Variants in ADAMTS9 observed in about 807,000 individuals in gnomAD.
ADAMTS9 encodes A disintegrin and metalloproteinase with thrombospondin motifs 9.
A neutral mutation model predicts 257.1 loss-of-function variants in ADAMTS9; 107 were observed. The ratio of observed to expected loss-of-function variants is 0.42; its 90% CI spans 0.36 to 0.49. ADAMTS9 has a LOEUF of 0.49. Ranked by LOEUF, ADAMTS9 falls within the 20% of genes least tolerant of loss-of-function variation. The probability of loss-of-function intolerance (pLI) is 0.03; values close to 1 mark genes in which losing one functional copy is unlikely to be tolerated. For synonymous variants in ADAMTS9, 982 were observed against 880.9 expected, an observed-to-expected ratio of 1.11 and a Z score of -2.03; for missense variants, 2,353 against 2,469.1, an observed-to-expected ratio of 0.95 and a Z score of 1.00.
At chr3:64,530,934 G>A (rs1271379376) in intron 38 of ADAMTS9, among the ~76,000 whole-genome samples, 1 of 152,080 alleles carries the variant, frequency 6.6e-6, no homozygotes, top group African/African-American at 2.4e-5. Context: ...TTTGTCAAGA[G>A]AAAAGAAACA....
At chr3:64,644,496 T>C (rs1295164404) in intron 11 of ADAMTS9, among the ~76,000 whole-genome samples, 2 of 152,198 alleles carry the variant, frequency 1.3e-5, no homozygotes, top group Non-Finnish European at 2.9e-5. Flanking sequence ...TCACTCAATA[T>C]CCATCCTCCC....
intron 3 of ADAMTS9, among the ~76,000 whole-genome samples, chr3:64,659,195 C>T (rs376748662): frequency 3.3e-5 from 5 of 152,244 alleles, no homozygotes; most frequent in East Asian, 1.9e-4. Flanking sequence ...AGGCTGGGCA[C>T]GGTGGCCCAT....
intron 11 of ADAMTS9, among the ~76,000 whole-genome samples, chr3:64,646,942 T>C (rs1291550041): frequency 6.6e-6 from 1 of 152,108 alleles, no homozygotes; most frequent in Non-Finnish European, 1.5e-5. Flanking sequence ...GTCTATAAGA[T>C]CAGGGAACAG....
chr3:64,561,065 C>CTTCT (rs1553703268), intron 30 of ADAMTS9, among the ~76,000 whole-genome samples: 1,647 of 83,638 alleles, frequency 0.02, 60 homozygotes, highest in East Asian at 0.091. Context: ...AGATACCATC[C>CTTCT]TTTTTTTTTT....
At chr3:64,631,361 G>A (rs13098982) in intron 16 of ADAMTS9, 94 bp downstream of exon 16, 1 of 976,148 alleles carries the variant, frequency 1.0e-6, no homozygotes, top group Non-Finnish European at 1.6e-6. Context: ...ACATCTGAAA[G>A]CTCTGCCTCT....
chr3:64,595,905 C>T (rs1234679568), intron 27 of ADAMTS9, among the ~76,000 whole-genome samples: 3 of 152,116 alleles, frequency 2.0e-5, no homozygotes, highest in Non-Finnish European at 4.4e-5. Flanking sequence ...TGTGCTCTCC[C>T]TGTGGATTCA....
At chr3:64,649,363 G>A (rs1700875030) in intron 10 of ADAMTS9, among the ~76,000 whole-genome samples, 1 of 152,152 alleles carries the variant, frequency 6.6e-6, no homozygotes. Flanking sequence ...CTGCCTCTGA[G>A]CCTCACTTTC....
At chr3:64,554,122 T>A (rs1391125057) in intron 30 of ADAMTS9, among the ~76,000 whole-genome samples, 1 of 152,180 alleles carries the variant, frequency 6.6e-6, no homozygotes, top group African/African-American at 2.4e-5. Flanking sequence ...TTGTTTTCAC[T>A]AATCCACAAG....
chr3:64,663,932 T>C (rs1292000229), intron 3 of ADAMTS9, among the ~76,000 whole-genome samples: 1 of 151,858 alleles, frequency 6.6e-6, no homozygotes, highest in Non-Finnish European at 1.5e-5. Flanking sequence ...TCATTAAAAA[T>C]AGCATTAAAA....
chr3:64,573,961 T>C (rs578251774), intron 28 of ADAMTS9, among the ~76,000 whole-genome samples: 2 of 152,334 alleles, frequency 1.3e-5, no homozygotes, highest in South Asian at 4.1e-4. Flanking sequence ...AGATAGTAGC[T>C]GCAACTCATA....
chr3:64,640,743 C>T (rs1469423977), intron 12 of ADAMTS9, among the ~76,000 whole-genome samples: 1 of 152,168 alleles, frequency 6.6e-6, no homozygotes, highest in East Asian at 1.9e-4. Context: ...TATTCCTTTT[C>T]AACTATGTAT....
chr3:64,535,390 CATATGACATTT>C (rs1198690085), intron 37 of ADAMTS9, among the ~76,000 whole-genome samples: 4 of 151,762 alleles, frequency 2.6e-5, no homozygotes, highest in Non-Finnish European at 5.9e-5. Flanking sequence ...CATATATATA[CATATGACATTT>C]TTATGACAAT....
intron 3 of ADAMTS9, among the ~76,000 whole-genome samples, chr3:64,659,350 C>T (rs1294792574): frequency 6.6e-6 from 1 of 152,008 alleles, no homozygotes; most frequent in East Asian, 1.9e-4. Context: ...CGTCTGTAAT[C>T]CCAACTACTC....
At chr3:64,611,094 A>T in intron 22 of ADAMTS9, among the ~76,000 whole-genome samples, 1 of 151,338 alleles carries the variant, frequency 6.6e-6, no homozygotes, top group Admixed American at 6.6e-5. Flanking sequence ...AAAAAAAAAA[A>T]AAAAAAGTTA....
intron 23 of ADAMTS9, 82 bp downstream of exon 23, chr3:64,606,878 A>G: frequency 1.3e-6 from 2 of 1,560,420 alleles, no homozygotes. Flanking sequence ...CTATGAAAGG[A>G]TTTCAATTTT....
intron 16 of ADAMTS9, among the ~76,000 whole-genome samples, chr3:64,626,904 T>A (rs1000446692): frequency 3.3e-5 from 5 of 152,124 alleles, no homozygotes; most frequent in Admixed American, 6.5e-5. Flanking sequence ...GCGAGACCCA[T>A]CAGCCATGAA....
chr3:64,618,588 C>G (rs941836570), intron 19 of ADAMTS9, among the ~76,000 whole-genome samples: 2 of 152,130 alleles, frequency 1.3e-5, no homozygotes, highest in African/African-American at 2.4e-5. Context: ...TCAGTTTCCT[C>G]ATCTGTGAAA....
chr3:64,637,452 C>T (rs1273599920), intron 12 of ADAMTS9, among the ~76,000 whole-genome samples: 1 of 152,154 alleles, frequency 6.6e-6, no homozygotes. Context: ...CAAATTGGAT[C>T]TTTCTTTCAA....
chr3:64,681,655 C>T (rs1020576918), intron 2 of ADAMTS9, among the ~76,000 whole-genome samples: 1 of 152,190 alleles, frequency 6.6e-6, no homozygotes, highest in African/African-American at 2.4e-5. Context: ...GCAAACCCCC[C>T]ACCTCAGCCT....
Sources: allele counts gnomAD v4.1 joint callset (sites outside exome capture counted in the v4.1 genomes callset), GRCh38; gene constraint gnomAD v4.1.1; transcripts MANE v1.5; gene names NCBI Gene and HGNC (gene_info 2026-07-23, HGNC 2026-07-21).